Variants in KCNMA1 observed in about 807,000 individuals in gnomAD.
KCNMA1 encodes the protein Calcium-activated potassium channel subunit alpha-1.
A neutral mutation model predicts 140.0 loss-of-function variants in KCNMA1; 29 were observed. That is an observed-to-expected ratio of 0.21 (90% CI 0.15 to 0.28). KCNMA1 has a LOEUF of 0.28. Ranked by LOEUF, KCNMA1 falls within the 10% of genes least tolerant of loss-of-function variation. The pLI is 1.00. For missense variants in KCNMA1, 880 were observed against 1,602.2 expected (o/e 0.55, Z 7.70); for synonymous variants, 612 against 611.9 (o/e 1.00, Z 0.00).
Position 77,179,916 on chromosome 10 carries a change from G to A in KCNMA1, c.808+3505C>T, listed in dbSNP as rs568528528. ...ATAGTAGTGTCTCTATGAGTACACC[G>A]TTACATGCACTAGGATGATCTGCAC... On this transcript the variant is annotated intron_variant, in intron 5 of 27. Coordinates refer to ENST00000286628, the MANE Select transcript of KCNMA1 (RefSeq NM_001161352.2). 1.1e-4 allele frequency among the ~76,000 whole-genome samples: 17 copies of A among 152,314 alleles called. No individual in the cohort carries two copies. The East Asian group carries it at 1.9e-3, about 17-fold the overall frequency.
chr10:77,297,568 T>C (rs1353907802), intron 2 of KCNMA1, among the ~76,000 whole-genome samples: 1 of 152,196 alleles, frequency 6.6e-6, no homozygotes, highest in African/African-American at 2.4e-5. Context: ...CAAAAGAGAT[T>C]AGTATGTGAA....
chr10:77,249,139 T>G (rs902411040), intron 3 of KCNMA1, among the ~76,000 whole-genome samples: 1 of 152,172 alleles, frequency 6.6e-6, no homozygotes, highest in Non-Finnish European at 1.5e-5. Flanking sequence ...TATGGGCATT[T>G]TTGCCAGGAA....
At chr10:77,557,219 T>A (rs2064826489) in intron 1 of KCNMA1, among the ~76,000 whole-genome samples, 5 of 152,174 alleles carry the variant, frequency 3.3e-5, no homozygotes, top group Admixed American at 3.3e-4. Context: ...CAAAAGGCAG[T>A]TTAATCTCAC....
Position 76,916,869 on chromosome 10 carries a change from G to C in KCNMA1, c.2903-1820C>G, listed in dbSNP as rs182881626. Among the ~76,000 whole-genome samples the C allele has an allele frequency of 3.9e-5, 6 of 152,240 alleles. No individual in the cohort carries two copies. In the East Asian group the frequency reaches 1.2e-3, roughly 29 times the overall value. ...GGGTTTTCTTACTTTCTGCTCTCCC[G>C]TGTATACATTTCTTATCACTGAGTG... On this transcript the variant is annotated intron_variant, in intron 23 of 27. Coordinates refer to ENST00000286628, the MANE Select transcript of KCNMA1 (RefSeq NM_001161352.2).
In KCNMA1 at chr10:77,284,316, T is replaced by C. The variant is rs534467050; in HGVS notation, c.541-33060A>G. Among the ~76,000 whole-genome samples the C allele has an allele frequency of 2.2e-4, 34 of 152,248 alleles. 1 individual carries two copies. Among genetic ancestry groups the C allele is most frequent in the Middle Eastern group, 3.4e-3 (1 of 292 alleles). On this transcript the variant is annotated intron_variant, in intron 2 of 27. Coordinates refer to ENST00000286628, the MANE Select transcript of KCNMA1 (RefSeq NM_001161352.2). ...CAAAATGCTCTGTCATTTTGTTCCC[T>C]GGGAGAGTAGAGTAAAATTCAATTG... is the stretch of plus-strand genomic sequence containing the variant.
chr10:77,552,774 C>T lies in KCNMA1; in HGVS notation c.378+84491G>A, dbSNP rs558891871. On this transcript the variant is annotated intron_variant, in intron 1 of 27. Transcript: ENST00000286628. ...TAAGAATCCAAAAAGGTTAGCCAGGCGCAGTGGCTCACGCCTGTAATCTCA... is the reference window on the plus strand; with the variant it reads ...TAAGAATCCAAAAAGGTTAGCCAGGTGCAGTGGCTCACGCCTGTAATCTCA... Among the ~76,000 whole-genome samples the T allele has an allele frequency of 9.8e-5, 15 of 152,306 alleles. 1 individual carries two copies. The South Asian group carries it at 2.9e-3, about 29-fold the overall frequency.
chr10:77,488,911 C>T (rs1462682152), intron 1 of KCNMA1, among the ~76,000 whole-genome samples: 1 of 152,222 alleles, frequency 6.6e-6, no homozygotes. Flanking sequence ...ACAGTTTGGC[C>T]AACCTCTCAA....
At chr10:76,883,452 G>A (rs1432441099), downstream of KCNMA1, among the ~76,000 whole-genome samples, 1 of 152,136 alleles carries the variant, frequency 6.6e-6, no homozygotes, top group Non-Finnish European at 1.5e-5. Flanking sequence ...CCATCCATTT[G>A]AACTGGCTTT....
chr10:77,232,886 ATTTTT>A (rs33988327), intron 3 of KCNMA1, among the ~76,000 whole-genome samples: 6 of 132,722 alleles, frequency 4.5e-5, no homozygotes, highest in South Asian at 2.4e-4. Flanking sequence ...TCCCAGCACC[ATTTTT>A]TTTTTTTTTT....
intron 1 of KCNMA1, among the ~76,000 whole-genome samples, chr10:77,555,452 C>G (rs1229228329): frequency 6.6e-6 from 1 of 152,142 alleles, no homozygotes; most frequent in African/African-American, 2.4e-5. Flanking sequence ...GAGCCAACCT[C>G]TCTTCTAACA....
At chr10:77,076,876 T>G (rs1159248616) in intron 13 of KCNMA1, among the ~76,000 whole-genome samples, 1 of 152,156 alleles carries the variant, frequency 6.6e-6, no homozygotes, top group Non-Finnish European at 1.5e-5. Flanking sequence ...TTGAAATGCT[T>G]CATATTTCAA....
chr10:77,393,224 C>G (rs949580225), intron 2 of KCNMA1, among the ~76,000 whole-genome samples: 1 of 152,132 alleles, frequency 6.6e-6, no homozygotes, highest in African/African-American at 2.4e-5. Flanking sequence ...TGGCCCTGCC[C>G]AGAGCTGCTC....
intron 1 of KCNMA1, among the ~76,000 whole-genome samples, chr10:77,467,796 T>G (rs2098062526): frequency 6.6e-6 from 1 of 152,236 alleles, no homozygotes. Context: ...AATTTTGACC[T>G]TGAAGCTATT....
chr10:77,019,048 T>C lies in KCNMA1; in HGVS notation c.1980A>G (p.Gly660=), dbSNP rs776647455. 6.3e-7 allele frequency: 1 copy of C among 1,598,950 alleles called. No homozygotes were observed. The highest frequency in any genetic ancestry group is 1.1e-5 in the South Asian group (1 of 90,736). ...NHLKIQEGTL[G]FFIASDAKEV... is the part of the protein sequence containing the mutation. ...CTTTGGCATCACTTGCGATGAAAAA[T>C]CCTAAAGTACCTTCTTGGATCTTAA... Residue 660 remains glycine (G), a synonymous_variant, in exon 17 of 28, where the codon GGA becomes GGG. Coordinates refer to ENST00000286628, the MANE Select transcript of KCNMA1 (RefSeq NM_001161352.2).
intron 1 of KCNMA1, among the ~76,000 whole-genome samples, chr10:77,545,495 T>C (rs897711559): frequency 2.0e-5 from 3 of 152,182 alleles, no homozygotes; most frequent in African/African-American, 7.2e-5. Context: ...CTTTGGTTTA[T>C]AAACTCCCCA....
At chr10:77,003,911 AAC>A (rs2087409797) in intron 18 of KCNMA1, among the ~76,000 whole-genome samples, 1 of 152,178 alleles carries the variant, frequency 6.6e-6, no homozygotes, top group African/African-American at 2.4e-5. Flanking sequence ...TTCAGGAGGA[AAC>A]ACAGTGACAA....
chr10:77,232,025 G>A lies in KCNMA1; in HGVS notation c.602+19170C>T, dbSNP rs73282136. ...ATTCTTGACATTTTACACAAGTGAA[G>A]TCATATACTGTGTGATCTTTTGTGA... On this transcript the variant is annotated intron_variant, in intron 3 of 27. Coordinates refer to ENST00000286628, the MANE Select transcript of KCNMA1 (RefSeq NM_001161352.2). 3.0e-3 allele frequency among the ~76,000 whole-genome samples: 459 copies of A among 152,318 alleles called. 1 individual carries two copies. The highest frequency in any genetic ancestry group is 0.01 in the African/African-American group (435 of 41,564).
intron 2 of KCNMA1, among the ~76,000 whole-genome samples, chr10:77,317,688 T>C (rs1452807578): frequency 6.6e-6 from 1 of 152,244 alleles, no homozygotes; most frequent in Non-Finnish European, 1.5e-5. Flanking sequence ...TAACAGCCGA[T>C]GGCAGGGAGA....
At chr10:76,940,568 C>T (rs1168379863) in intron 23 of KCNMA1, among the ~76,000 whole-genome samples, 1 of 152,122 alleles carries the variant, frequency 6.6e-6, no homozygotes, top group African/African-American at 2.4e-5. Flanking sequence ...GTTCTTCAGA[C>T]AATGCAGAGC....
Sources: allele counts gnomAD v4.1 joint callset (sites outside exome capture counted in the v4.1 genomes callset), GRCh38; gene constraint gnomAD v4.1.1; transcripts MANE v1.5; gene names NCBI Gene and HGNC (gene_info 2026-07-23, HGNC 2026-07-21).